Variants in WDFY4 observed in about 807,000 individuals in gnomAD.
WDFY4 encodes the protein WD repeat- and FYVE domain-containing protein 4.
Under a neutral mutation model 351.9 loss-of-function variants are expected in WDFY4, and 169 were observed. That is an observed-to-expected ratio of 0.48 (90% confidence interval 0.42 to 0.55). The LOEUF (loss-of-function observed/expected upper bound fraction) is 0.55, where lower values mean the gene tolerates loss of function less well. Among genes scored for constraint, WDFY4 ranks in the 20% least tolerant of loss-of-function variants. The probability of loss-of-function intolerance (pLI) is 0.00; values close to 1 mark genes in which losing one functional copy is unlikely to be tolerated. For missense variants in WDFY4, 3,803 were observed against 3,935.6 expected, an observed-to-expected ratio of 0.97 and a Z score of 0.90; for synonymous variants, 1,622 against 1,574.6, an observed-to-expected ratio of 1.03 and a Z score of -0.71.
chr10:48,922,070 TC>T (rs1215459813), intron 47 of WDFY4, among the ~76,000 whole-genome samples: 3 of 152,224 alleles, frequency 2.0e-5, no homozygotes, highest in African/African-American at 7.2e-5. Flanking sequence ...ATAATAAATG[TC>T]CTTCAATGGG....
chr10:48,790,999 C>T, intron 23 of WDFY4, 82 bp downstream of exon 23: 2 of 1,479,608 alleles, frequency 1.4e-6, no homozygotes, highest in Non-Finnish European at 1.8e-6. Flanking sequence ...TTGCTTGCCT[C>T]AGTTGCATTC....
intron 58 of WDFY4, among the ~76,000 whole-genome samples, chr10:48,975,788 G>A (rs1842542620): frequency 6.6e-6 from 1 of 152,104 alleles, no homozygotes; most frequent in Non-Finnish European, 1.5e-5. Context: ...GTGGATAGAT[G>A]AGTGGATGGG....
chr10:48,946,286 G>T, intron 50 of WDFY4, 129 bp downstream of exon 50: 2 of 710,702 alleles, frequency 2.8e-6, no homozygotes, highest in South Asian at 3.6e-5. Flanking sequence ...CTCTAACCTG[G>T]TGGTAGGAAG....
chr10:48,707,022 A>G (rs1480273966), intron 1 of WDFY4, among the ~76,000 whole-genome samples: 1 of 152,190 alleles, frequency 6.6e-6, no homozygotes, highest in East Asian at 1.9e-4. Flanking sequence ...AGATATCTGT[A>G]ATTTTCAAAA....
At chr10:48,871,000 C>A (rs1023860893) in intron 40 of WDFY4, among the ~76,000 whole-genome samples, 6 of 151,886 alleles carry the variant, frequency 4.0e-5, no homozygotes, top group African/African-American at 9.7e-5. Flanking sequence ...GTGGCGCTAT[C>A]TCGGCTCACT....
intron 23 of WDFY4, among the ~76,000 whole-genome samples, chr10:48,793,572 C>T (rs962357036): frequency 7.9e-5 from 12 of 152,134 alleles, no homozygotes; most frequent in Non-Finnish European, 1.6e-4. Context: ...CGTTTTCTCG[C>T]TTTGTGTTTC....
intron 14 of WDFY4, among the ~76,000 whole-genome samples, chr10:48,775,359 C>T (rs1305003602): frequency 1.3e-5 from 2 of 152,166 alleles, no homozygotes; most frequent in South Asian, 2.1e-4. Context: ...CCTTTCCAGC[C>T]AGCAGACATG....
chr10:48,787,870 TCTTCTTTC>T lies in WDFY4; in HGVS notation c.3809-659_3809-652del, dbSNP rs1565198017. 3.5e-4 allele frequency among the ~76,000 whole-genome samples: 43 copies of T among 122,730 alleles called. 9 individuals are homozygous for T. The highest frequency in any genetic ancestry group is 1.8e-3 in the African/African-American group (42 of 22,850). 80.5% of individuals were successfully genotyped at this position (122,730 alleles called of 152,430 possible). On this transcript the variant is annotated intron_variant, in intron 20 of 61. Coordinates refer to ENST00000325239, the MANE Select transcript of WDFY4 (RefSeq NM_001394531.1). ...CTTCTTCTTCTTCTTTCTTCTTCTT[TCTTCTTTC>T]TTTCTTCTTCTTCTCCTTCTTCTTC...
intron 47 of WDFY4, chr10:48,935,053 C>T (rs1040538755): frequency 2.0e-5 from 3 of 152,190 alleles, no homozygotes; most frequent in Admixed American, 2.0e-4. Context: ...ACTGGGAAAA[C>T]AGGCATTTCC....
chr10:48,913,448 G>T lies in WDFY4; in HGVS notation c.7586+11585G>T. ...AATTGGGTGAGATCAGATTGGGAAA[G>T]ATGGTCTTTCTCGGTGTCGTCGTGG... On this transcript the variant is annotated intron_variant, in intron 47 of 61. Coordinates refer to ENST00000325239, the MANE Select transcript of WDFY4 (RefSeq NM_001394531.1). The T allele has an allele frequency of 2.5e-6, 4 of 1,613,586 alleles. No homozygotes were observed. In the East Asian group the frequency reaches 8.9e-5, roughly 36 times the overall value.
rs143030654 is a variant in WDFY4, at chr10:48,756,070, G to A, written c.2460-4277G>A. Among the ~76,000 whole-genome samples the A allele has an allele frequency of 4.3e-3, 660 of 152,098 alleles. 3 individuals are homozygous for A. The highest frequency in any genetic ancestry group is 0.015 in the African/African-American group (615 of 41,526). ...CTTGCCTATATCTACAAAAATTCCTGCTGGGATTTTTATTGGAATTGCATT... is the reference window on the plus strand; with the variant it reads ...CTTGCCTATATCTACAAAAATTCCTACTGGGATTTTTATTGGAATTGCATT... On this transcript the variant is annotated intron_variant, in intron 12 of 61. Coordinates refer to ENST00000325239, the MANE Select transcript of WDFY4 (RefSeq NM_001394531.1).
chr10:48,881,313 C>A (rs2070239175), intron 43 of WDFY4, among the ~76,000 whole-genome samples: 1 of 152,212 alleles, frequency 6.6e-6, no homozygotes, highest in Non-Finnish European at 1.5e-5. Flanking sequence ...AAGACTGAGG[C>A]TCCTGTGAGG....
At chr10:48,801,089 G>A (rs1244042575) in intron 24 of WDFY4, among the ~76,000 whole-genome samples, 1 of 152,184 alleles carries the variant, frequency 6.6e-6, no homozygotes, top group African/African-American at 2.4e-5. Context: ...AGTCATCTCA[G>A]GGGTGGGGAG....
chr10:48,823,659 T>A, intron 35 of WDFY4: 1 of 1,005,686 alleles, frequency 9.9e-7, no homozygotes, highest in Non-Finnish European at 1.2e-6. Context: ...CAAGTTGTGT[T>A]GTAAATGGAA....
chr10:48,692,360 G>T (rs1467770879), intron 1 of WDFY4, among the ~76,000 whole-genome samples: 1 of 152,028 alleles, frequency 6.6e-6, no homozygotes, highest in Non-Finnish European at 1.5e-5. Context: ...CCCTAGGTGA[G>T]TCTACACCTC....
At chr10:48,901,104 T>C (rs1837328510) in intron 46 of WDFY4, among the ~76,000 whole-genome samples, 1 of 152,224 alleles carries the variant, frequency 6.6e-6, no homozygotes, top group Non-Finnish European at 1.5e-5. Flanking sequence ...CAGGGCCCAC[T>C]ACTGCATCCA....
In WDFY4 at chr10:48,726,159, A is replaced by G. The variant is rs116027791; in HGVS notation, c.781+89A>G. On this transcript the variant is annotated intron_variant, in intron 6 of 61. Transcript: ENST00000325239. ...AAAGGCTGAGGGCCCACTTTCTACA[A>G]TGAGACTTGGGATGCTCTTGCAGCC... is the stretch of plus-strand genomic sequence containing the variant. 4.7e-4 allele frequency: 663 copies of G among 1,410,490 alleles called. No individual in the cohort carries two copies. In the African/African-American group the frequency reaches 5.0e-3, roughly 11 times the overall value. 87.4% of individuals were successfully genotyped at this position (1,410,490 alleles called of 1,614,324 possible). A position where few individuals can be genotyped will look rare whatever the true frequency, so the allele number is the denominator to read the frequency against.
intron 19 of WDFY4, among the ~76,000 whole-genome samples, chr10:48,781,602 A>G (rs368901065): frequency 2.0e-5 from 3 of 152,296 alleles, no homozygotes; most frequent in East Asian, 3.9e-4. Flanking sequence ...GGCTGACCAG[A>G]AAGATTTTGA....
At chr10:48,838,196 G>T (rs1405259404) in intron 39 of WDFY4, among the ~76,000 whole-genome samples, 1 of 152,158 alleles carries the variant, frequency 6.6e-6, no homozygotes, top group African/African-American at 2.4e-5. Flanking sequence ...TTCTACATCT[G>T]CCCTGGCAAG....
Sources: allele counts gnomAD v4.1 joint callset (sites outside exome capture counted in the v4.1 genomes callset), GRCh38; gene constraint gnomAD v4.1.1; transcripts MANE v1.5; gene names NCBI Gene and HGNC (gene_info 2026-07-23, HGNC 2026-07-21).